AGBL1: variants seen among roughly 807,000 people sequenced by gnomAD.
AGBL1 encodes cytosolic carboxypeptidase 4.
AGBL1 carries 130 observed loss-of-function variants against 118.9 expected under a neutral mutation model. The ratio of observed to expected loss-of-function variants is 1.09; its 90% confidence interval spans 0.95 to 1.26. The LOEUF (loss-of-function observed/expected upper bound fraction) is 1.26, where lower values mean the gene tolerates loss of function less well. AGBL1 is among the 50% of genes most tolerant of loss of function. The probability of loss-of-function intolerance (pLI) is 0.00; values close to 1 mark genes in which losing one functional copy is unlikely to be tolerated. For missense variants in AGBL1, 1,584 were observed against 1,298.1 expected (o/e 1.22, Z -3.38); for synonymous variants, 555 against 478.9 (o/e 1.16, Z -2.08).
intron 18 of AGBL1, among the ~76,000 whole-genome samples, chr15:86,521,649 C>A (rs539292018): frequency 6.6e-6 from 1 of 152,190 alleles, no homozygotes; most frequent in African/African-American, 2.4e-5. Flanking sequence ...GATGGAGGAG[C>A]CCCAGCCAAG....
intron 21 of AGBL1, among the ~76,000 whole-genome samples, chr15:86,661,373 G>A (rs931605051): frequency 6.6e-6 from 1 of 151,986 alleles, no homozygotes; most frequent in East Asian, 1.9e-4. Flanking sequence ...TTCAGACCAT[G>A]CTTTTTTTCC....
intron 21 of AGBL1, among the ~76,000 whole-genome samples, chr15:86,654,470 A>T (rs2085429969): frequency 6.6e-6 from 1 of 152,186 alleles, no homozygotes; most frequent in African/African-American, 2.4e-5. Flanking sequence ...CCAGGCTGGC[A>T]CCACTCTTTA....
chr15:86,931,768 C>G (rs1037225220), intron 23 of AGBL1, among the ~76,000 whole-genome samples: 1 of 152,140 alleles, frequency 6.6e-6, no homozygotes, highest in African/African-American at 2.4e-5. Context: ...CTTCTTAAAA[C>G]AAGCCAGTGC....
chr15:86,089,810 C>T (rs1567046904), intron 1 of AGBL1, among the ~76,000 whole-genome samples: 1 of 152,120 alleles, frequency 6.6e-6, no homozygotes, highest in Non-Finnish European at 1.5e-5. Context: ...CTTTACTTTT[C>T]ATATTTAGAT....
intron 21 of AGBL1, among the ~76,000 whole-genome samples, chr15:86,671,420 G>C (rs1027048722): frequency 2.0e-5 from 3 of 152,142 alleles, no homozygotes; most frequent in Non-Finnish European, 4.4e-5. Context: ...CAGACTTTGT[G>C]TTACTGTCTG....
intron 22 of AGBL1, among the ~76,000 whole-genome samples, chr15:86,712,647 C>T (rs1297019444): frequency 6.6e-6 from 1 of 152,166 alleles, no homozygotes; most frequent in Non-Finnish European, 1.5e-5. Context: ...ATGGAAAGAG[C>T]TAAAATGCTG....
At position 86,936,337 on chromosome 15, in the gene AGBL1, G is replaced by C. The variant is rs564498090; in HGVS notation, c.3222-51650G>C. Among the ~76,000 whole-genome samples the C allele has an allele frequency of 2.0e-5, 3 of 152,254 alleles. No individual in the cohort carries two copies. The South Asian group carries it at 6.2e-4, about 32-fold the overall frequency. ...AAAACAAAAGTAAATTACTCACTGT[G>C]CCAGGTATTGTGACAGGAAGTGCTA... On this transcript the variant is annotated intron_variant, in intron 23 of 24. Transcript: ENST00000441037.
At chr15:86,765,235 T>G (rs1386492898) in intron 22 of AGBL1, among the ~76,000 whole-genome samples, 1 of 151,948 alleles carries the variant, frequency 6.6e-6, no homozygotes, top group Non-Finnish European at 1.5e-5. Flanking sequence ...TTTCTTTGCC[T>G]TCTTCCCCTT....
intron 1 of AGBL1, among the ~76,000 whole-genome samples, chr15:86,098,544 T>G (rs1206491958): frequency 2.6e-5 from 4 of 152,170 alleles, no homozygotes; most frequent in Non-Finnish European, 5.9e-5. Context: ...TTTTCAGCTT[T>G]CCCACCACCA....
chr15:86,904,692 T>C (rs116422529), intron 22 of AGBL1, among the ~76,000 whole-genome samples: 1,751 of 149,604 alleles, frequency 0.012, 36 homozygotes, highest in African/African-American at 0.039. Context: ...TTATTATATA[T>C]AAATGACAAA....
intron 23 of AGBL1, among the ~76,000 whole-genome samples, chr15:86,982,344 T>C (rs1433401658): frequency 6.6e-6 from 1 of 152,158 alleles, no homozygotes; most frequent in Non-Finnish European, 1.5e-5. Flanking sequence ...TCTTTTATAG[T>C]ATACATTGTA....
intron 3 of AGBL1, among the ~76,000 whole-genome samples, chr15:86,152,118 C>CA (rs2077120453): frequency 6.6e-6 from 1 of 152,094 alleles, no homozygotes; most frequent in Non-Finnish European, 1.5e-5. Context: ...GATTCAATGC[C>CA]ATCCCCATCA....
intron 3 of AGBL1, among the ~76,000 whole-genome samples, chr15:86,150,979 A>T (rs1407771271): frequency 6.6e-6 from 1 of 152,198 alleles, no homozygotes; most frequent in Non-Finnish European, 1.5e-5. Flanking sequence ...CAGCCATAAA[A>T]ATGATGAGTT....
intron 22 of AGBL1, among the ~76,000 whole-genome samples, chr15:86,750,346 G>C (rs1485723381): frequency 1.3e-5 from 2 of 151,926 alleles, no homozygotes; most frequent in Non-Finnish European, 2.9e-5. Flanking sequence ...TGTATACAAT[G>C]TGTAATGATC....
intron 17 of AGBL1, among the ~76,000 whole-genome samples, chr15:86,385,637 C>T (rs972176758): frequency 1.3e-5 from 2 of 152,210 alleles, no homozygotes; most frequent in Non-Finnish European, 2.9e-5. Context: ...TTGACATCCT[C>T]AGGGTTTGGT....
intron 22 of AGBL1, among the ~76,000 whole-genome samples, chr15:86,869,649 T>C (rs1001535763): frequency 2.6e-5 from 4 of 152,108 alleles, no homozygotes. Context: ...CTTGACTTGA[T>C]TCTAGACAAA....
intron 22 of AGBL1, among the ~76,000 whole-genome samples, chr15:86,680,755 C>G (rs1011573236): frequency 6.6e-6 from 1 of 151,418 alleles, no homozygotes; most frequent in African/African-American, 2.4e-5. Flanking sequence ...TTAGTAGAGA[C>G]AGGTTTTCAC....
chr15:86,725,244 C>T (rs188992530), intron 22 of AGBL1, among the ~76,000 whole-genome samples: 5 of 152,296 alleles, frequency 3.3e-5, no homozygotes, highest in African/African-American at 1.2e-4. Flanking sequence ...CATAGGAGCT[C>T]TGGTTCTCAT....
intron 1 of AGBL1, among the ~76,000 whole-genome samples, chr15:86,090,268 C>G (rs1423164858): frequency 2.6e-5 from 4 of 152,118 alleles, no homozygotes; most frequent in African/African-American, 9.7e-5. Flanking sequence ...TGTCCTTTCT[C>G]CACTAAACAT....
Sources: allele counts gnomAD v4.1 joint callset (sites outside exome capture counted in the v4.1 genomes callset), GRCh38; gene constraint gnomAD v4.1.1; transcripts MANE v1.5; gene names NCBI Gene and HGNC (gene_info 2026-07-23, HGNC 2026-07-21).